SPESP1: variants seen among roughly 807,000 people sequenced by gnomAD.
SPESP1 encodes sperm equatorial segment protein 1, also known as equatorial segment protein.
In SPESP1, 1 loss-of-function variant was observed where a neutral mutation model predicts 3.1. The observed-to-expected ratio is 0.33, with a 90% CI of 0.12 to 1.54. The LOEUF is 1.54. Among genes scored for constraint, SPESP1 ranks in the 40% most tolerant of loss-of-function variants. The pLI is 0.38. For synonymous variants in SPESP1, 138 were observed against 150.7 expected (o/e 0.92, Z 0.62); for missense variants, 398 against 410.1 (o/e 0.97, Z 0.26).
At chr15:68,937,952 A>G (rs1215281002) in intron 1 of SPESP1, among the ~76,000 whole-genome samples, 1 of 152,026 alleles carries the variant, frequency 6.6e-6, no homozygotes, top group Non-Finnish European at 1.5e-5. Flanking sequence ...TATTGAGTGA[A>G]GTTTTAAATT....
Position 68,946,455 on chromosome 15 carries a change from A to T in SPESP1, c.921A>T (p.Arg307Ser). 1 of 1,613,022 alleles carries T rather than the reference A, an allele frequency of 6.2e-7. No individual in the cohort carries two copies. Among genetic ancestry groups the T allele is most frequent in the Non-Finnish European group, 8.5e-7 (1 of 1,180,000 alleles). ...ETVINMLCNS[R>S]SKLYEYLDIK... ...TTATTAACATGCTGTGTAATTCTAG[A>T]TCTAAACTCTATGAATATTTAGATA... Residue 307 changes from arginine to serine, a missense_variant, in exon 2 of 2, where the codon AGA (arginine) becomes AGT (serine). By Grantham distance (110) the Arg-to-Ser change is moderately radical (BLOSUM62 -1). Coordinates refer to ENST00000310673, the MANE Select transcript of SPESP1 (RefSeq NM_145658.4).
At chr15:68,935,687 C>A (rs1030469904) in intron 1 of SPESP1, among the ~76,000 whole-genome samples, 1 of 152,222 alleles carries the variant, frequency 6.6e-6, no homozygotes, top group Non-Finnish European at 1.5e-5. Context: ...AGTTACATTT[C>A]TTTAACTGGA....
chr15:68,933,815 C>T (rs529964291), intron 1 of SPESP1, among the ~76,000 whole-genome samples: 3 of 150,948 alleles, frequency 2.0e-5, no homozygotes, highest in Admixed American at 6.6e-5. Context: ...GCTGAGATGG[C>T]GCCACTGCAT....
Position 68,930,692 on chromosome 15 carries a change from G to C in SPESP1, c.39G>C (p.Trp13Cys). The C allele has an allele frequency of 6.2e-7, 1 of 1,614,048 alleles. No individual in the cohort carries two copies. The highest frequency in any genetic ancestry group is 8.5e-7 in the Non-Finnish European group (1 of 1,179,926). The change falls in exon 1 of 2, where the codon TGG becomes TGC. Residue 13 changes from tryptophan to cysteine, a missense_variant. By Grantham distance (215) the Trp-to-Cys change is radical (BLOSUM62 -2). Transcript: ENST00000310673. ...TCCTTCTAGTTGCGCTTTTGCTATG[G>C]CCTTCGTCTGTGCCGGCTTATCCGA... Reference protein sequence around the residue: ...PLVLLVALLLWPSSVPAYPSI... With the variant: ...PLVLLVALLLCPSSVPAYPSI...
chr15:68,946,376 C>T lies in SPESP1; in HGVS notation c.842C>T (p.Ser281Phe). 3 of 1,614,076 alleles carry T rather than the reference C, an allele frequency of 1.9e-6. No homozygotes were observed. Among genetic ancestry groups the T allele is most frequent in the Non-Finnish European group, 2.5e-6 (3 of 1,180,016 alleles). ...CATAAATTAAAAACAATGTATAAGT[C>T]CCAGTTATTGCCAGTAGGACGAACA... ...AEHKLKTMYKSQLLPVGRTSN... is the reference protein window; with the variant it reads ...AEHKLKTMYKFQLLPVGRTSN... Residue 281 changes from serine (S) to phenylalanine (F), a missense_variant, in exon 2 of 2, where the codon TCC becomes TTC. Coordinates refer to ENST00000310673, the MANE Select transcript of SPESP1 (RefSeq NM_145658.4).
Position 68,946,230 on chromosome 15 carries a change from T to C in SPESP1, c.696T>C (p.Asp232=). 6.2e-7 allele frequency: 1 copy of C among 1,614,134 alleles called. No individual in the cohort carries two copies. Among genetic ancestry groups the C allele is most frequent in the Non-Finnish European group, 8.5e-7 (1 of 1,180,022 alleles). Residue 232 remains aspartate, a synonymous_variant, in exon 2 of 2, where the codon GAT becomes GAC. Coordinates refer to ENST00000310673, the MANE Select transcript of SPESP1 (RefSeq NM_145658.4). ...NNDDILKKIL[D]INSQVQQALL... Reference sequence around the variant, plus strand: ...ATGACATTTTGAAAAAAATTTTAGATATTAATTCACAAGTGCAACAGGCAC... The same window carrying C: ...ATGACATTTTGAAAAAAATTTTAGACATTAATTCACAAGTGCAACAGGCAC...
At chr15:68,944,132 A>C (rs1218767348) in intron 1 of SPESP1, among the ~76,000 whole-genome samples, 1 of 152,102 alleles carries the variant, frequency 6.6e-6, no homozygotes, top group Non-Finnish European at 1.5e-5. Context: ...AAAATGGCAA[A>C]CCTTAAAATT....
At chr15:68,932,406 C>T (rs757084695) in intron 1 of SPESP1, among the ~76,000 whole-genome samples, 39 of 129,748 alleles carry the variant, frequency 3.0e-4, no homozygotes, top group Admixed American at 1.1e-3. Flanking sequence ...TTTTTTTTTG[C>T]CTGAGACAGG....
chr15:68,930,993 C>T (rs1895520304), intron 1 of SPESP1, among the ~76,000 whole-genome samples: 1 of 152,214 alleles, frequency 6.6e-6, no homozygotes, highest in East Asian at 1.9e-4. Flanking sequence ...CCTTCCTCTG[C>T]CCACCCGATC....
chr15:68,938,895 T>C (rs1437025491), intron 1 of SPESP1, among the ~76,000 whole-genome samples: 1 of 152,228 alleles, frequency 6.6e-6, no homozygotes, highest in Non-Finnish European at 1.5e-5. Flanking sequence ...GCTCTGGGTA[T>C]AGTGCCTGGC....
chr15:68,936,274 T>A (rs1162783948), intron 1 of SPESP1, among the ~76,000 whole-genome samples: 1 of 152,224 alleles, frequency 6.6e-6, no homozygotes, highest in Non-Finnish European at 1.5e-5. Flanking sequence ...CATCCATAAT[T>A]GGTGATTAAA....
intron 1 of SPESP1, among the ~76,000 whole-genome samples, chr15:68,944,780 G>A (rs557147604): frequency 2.0e-5 from 3 of 152,080 alleles, no homozygotes; most frequent in African/African-American, 7.2e-5. Context: ...CCAATAAAAC[G>A]TTACTTACTA....
chr15:68,941,011 T>A (rs879938820), intron 1 of SPESP1, among the ~76,000 whole-genome samples: 3 of 152,054 alleles, frequency 2.0e-5, no homozygotes, highest in Non-Finnish European at 4.4e-5. Context: ...TCTGCTCCAT[T>A]CATCTGTTCA....
Position 68,935,239 on chromosome 15 carries a change from ATAATT to A in SPESP1, c.64+4527_64+4531del, listed in dbSNP as rs1429197994. 1.1e-4 allele frequency among the ~76,000 whole-genome samples: 16 copies of A among 152,352 alleles called. 1 individual carries two copies. The South Asian group carries it at 3.3e-3, about 32-fold the overall frequency. On this transcript the variant is annotated intron_variant, in intron 1 of 1. Coordinates refer to ENST00000310673, the MANE Select transcript of SPESP1 (RefSeq NM_145658.4). ...TCTTTATCCGCACTAGAATTGTAAC[ATAATT>A]TAATAAGGCTATTTTGGTTGTGTAT...
intron 1 of SPESP1, among the ~76,000 whole-genome samples, chr15:68,940,560 AGT>A (rs1895793233): frequency 6.6e-6 from 1 of 152,104 alleles, no homozygotes; most frequent in African/African-American, 2.4e-5. Flanking sequence ...TTTAATCTAT[AGT>A]TCTTCCTCCA....
At chr15:68,944,135 TTAAAA>T (rs1301291186) in intron 1 of SPESP1, among the ~76,000 whole-genome samples, 4 of 152,096 alleles carry the variant, frequency 2.6e-5, no homozygotes, top group Non-Finnish European at 5.9e-5. Context: ...ATGGCAAACC[TTAAAA>T]TTGCCCATGG....
chr15:68,931,009 C>T (rs1009551513), intron 1 of SPESP1, among the ~76,000 whole-genome samples: 1 of 152,356 alleles, frequency 6.6e-6, no homozygotes, highest in Non-Finnish European at 1.5e-5. Flanking sequence ...CGATCCTTCC[C>T]CAGCCATTGG....
intron 1 of SPESP1, among the ~76,000 whole-genome samples, chr15:68,943,108 T>A (rs1175953589): frequency 6.6e-6 from 1 of 152,032 alleles, no homozygotes; most frequent in Non-Finnish European, 1.5e-5. Flanking sequence ...TATGTGTGTG[T>A]GTTTAGTGAG....
intron 1 of SPESP1, among the ~76,000 whole-genome samples, chr15:68,932,370 C>T (rs1186658751): frequency 2.0e-5 from 3 of 150,546 alleles, no homozygotes; most frequent in South Asian, 2.1e-4. Context: ...TTTTCCCCTC[C>T]CCCTCCCCTT....
Sources: allele counts gnomAD v4.1 joint callset (sites outside exome capture counted in the v4.1 genomes callset), GRCh38; gene constraint gnomAD v4.1.1; transcripts MANE v1.5; gene names NCBI Gene and HGNC (gene_info 2026-07-23, HGNC 2026-07-21).